Variants in PCDH7 observed in about 807,000 individuals in gnomAD.
The protein encoded by PCDH7 is protocadherin-7.
PCDH7 carries 17 observed loss-of-function variants against 58.9 expected under a neutral mutation model. The observed-to-expected ratio is 0.29, with a 90% CI of 0.20 to 0.43. PCDH7 has a LOEUF of 0.43. Among genes scored for constraint, PCDH7 ranks in the 20% least tolerant of loss-of-function variants. PCDH7 has a pLI of 1.00. For missense variants in PCDH7, 1,274 were observed against 1,441.0 expected, an observed-to-expected ratio of 0.88 and a Z score of 1.88; for synonymous variants, 664 against 616.4, an observed-to-expected ratio of 1.08 and a Z score of -1.14.
chr4:30,739,654 C>T (rs750862785), intron 1 of PCDH7, among the ~76,000 whole-genome samples: 1 of 151,832 alleles, frequency 6.6e-6, no homozygotes, highest in African/African-American at 2.4e-5. Context: ...AATGTTTTAC[C>T]TTTAATAAGA....
chr4:31,093,839 G>A (rs536891495), intron 3 of PCDH7, among the ~76,000 whole-genome samples: 1 of 151,980 alleles, frequency 6.6e-6, no homozygotes, highest in East Asian at 1.9e-4. Flanking sequence ...ATATGGGAAA[G>A]CCTACTGTAA....
intron 3 of PCDH7, among the ~76,000 whole-genome samples, chr4:30,963,129 T>A (rs766065748): frequency 6.6e-6 from 1 of 152,202 alleles, no homozygotes; most frequent in Non-Finnish European, 1.5e-5. Flanking sequence ...TAATAGTAAC[T>A]GTAATCAGGA....
intron 3 of PCDH7, among the ~76,000 whole-genome samples, chr4:31,086,376 T>C (rs543569452): frequency 2.0e-5 from 3 of 152,336 alleles, no homozygotes; most frequent in African/African-American, 7.2e-5. Flanking sequence ...TGTTTTTGCA[T>C]GCTGTGTGTC....
At chr4:31,036,880 C>T (rs1755455251) in intron 3 of PCDH7, among the ~76,000 whole-genome samples, 1 of 152,154 alleles carries the variant, frequency 6.6e-6, no homozygotes. Context: ...AAAGGCATGT[C>T]TCTCATGGTG....
chr4:30,849,511 A>G (rs915668666), intron 1 of PCDH7, among the ~76,000 whole-genome samples: 4 of 152,072 alleles, frequency 2.6e-5, no homozygotes, highest in Admixed American at 2.6e-4. Context: ...GATGAACAAT[A>G]TGCATGTGTG....
chr4:30,885,347 T>C (rs1737566460), intron 1 of PCDH7, among the ~76,000 whole-genome samples: 1 of 152,196 alleles, frequency 6.6e-6, no homozygotes, highest in Non-Finnish European at 1.5e-5. Flanking sequence ...TGAAACTGTT[T>C]TATCCTATGT....
At chr4:30,824,202 G>A (rs181398328) in intron 1 of PCDH7, among the ~76,000 whole-genome samples, 2 of 138,144 alleles carry the variant, frequency 1.4e-5, no homozygotes, top group East Asian at 4.3e-4. Context: ...CTATCTTCTG[G>A]GAAATCTTTC....
intron 2 of PCDH7, among the ~76,000 whole-genome samples, chr4:30,939,149 A>G (rs1745731570): frequency 6.6e-6 from 1 of 152,172 alleles, no homozygotes; most frequent in Admixed American, 6.6e-5. Context: ...CTGCCAATGC[A>G]CAACAACAGG....
At chr4:30,824,668 G>T (rs546652363) in intron 1 of PCDH7, among the ~76,000 whole-genome samples, 2 of 151,976 alleles carry the variant, frequency 1.3e-5, no homozygotes, top group Non-Finnish European at 2.9e-5. Context: ...ATACAGGCCC[G>T]GTTTTAGCAA....
exon 4 of PCDH7, chr4:31,142,647 T>C: frequency 7.3e-7 from 1 of 1,367,744 alleles, no homozygotes; most frequent in African/African-American, 1.5e-5. Context: ...CAGGAAAAGC[T>C]GGCCAATGGG....
intron 3 of PCDH7, among the ~76,000 whole-genome samples, chr4:31,055,575 AT>A (rs1281225885): frequency 6.6e-6 from 1 of 151,702 alleles, no homozygotes; most frequent in Non-Finnish European, 1.5e-5. Flanking sequence ...TTGTTTTTTT[AT>A]TTTTTTGTTT....
At chr4:30,989,140 A>G (rs1751237902) in intron 3 of PCDH7, among the ~76,000 whole-genome samples, 1 of 147,440 alleles carries the variant, frequency 6.8e-6, no homozygotes, top group Non-Finnish European at 1.5e-5. Context: ...ACAGAATCAA[A>G]TCACAGTTTT....
chr4:30,825,371 A>G (rs910328108), intron 1 of PCDH7, among the ~76,000 whole-genome samples: 1 of 152,092 alleles, frequency 6.6e-6, no homozygotes, highest in African/African-American at 2.4e-5. Flanking sequence ...ATAGAACTAA[A>G]CTTTCAGTAT....
chr4:30,889,314 A>G (rs1208320009), intron 1 of PCDH7, among the ~76,000 whole-genome samples: 1 of 151,572 alleles, frequency 6.6e-6, no homozygotes, highest in Non-Finnish European at 1.5e-5. Flanking sequence ...ATGGCAATAT[A>G]TTCTCCTACT....
At chr4:30,806,380 C>G (rs1443538324) in intron 1 of PCDH7, among the ~76,000 whole-genome samples, 1 of 152,064 alleles carries the variant, frequency 6.6e-6, no homozygotes, top group Admixed American at 6.5e-5. Flanking sequence ...TCTTGGCTCA[C>G]TGCAACCTCT....
intron 3 of PCDH7, among the ~76,000 whole-genome samples, chr4:31,108,449 G>A (rs544039821): frequency 2.2e-5 from 3 of 136,710 alleles, no homozygotes; most frequent in African/African-American, 7.9e-5. Flanking sequence ...CGGGGGAAAC[G>A]AGTGCCAAAA....
chr4:30,947,113 A>G (rs745620007), intron 2 of PCDH7, among the ~76,000 whole-genome samples: 5 of 152,052 alleles, frequency 3.3e-5, no homozygotes, highest in Non-Finnish European at 5.9e-5. Flanking sequence ...GGCTTATTTT[A>G]CTAAGTCCCA....
intron 3 of PCDH7, among the ~76,000 whole-genome samples, chr4:30,985,924 CAAT>C (rs1194088178): frequency 2.0e-5 from 3 of 152,046 alleles, no homozygotes; most frequent in African/African-American, 4.8e-5. Flanking sequence ...AAAATAACAA[CAAT>C]AACAACAACA....
chr4:31,019,465 A>G (rs1753857431), intron 3 of PCDH7, among the ~76,000 whole-genome samples: 1 of 152,070 alleles, frequency 6.6e-6, no homozygotes, highest in Admixed American at 6.5e-5. Flanking sequence ...GCACTTTGGG[A>G]GGCCAAGGCG....
Sources: gnomAD v4.1 joint callset for allele counts (sites outside exome capture counted in the v4.1 genomes callset) on GRCh38, gnomAD v4.1.1 for gene constraint, MANE v1.5 for transcripts, NCBI Gene and HGNC (gene_info 2026-07-23, HGNC 2026-07-21) for gene names.